SLC24A2: variants seen among roughly 807,000 people sequenced by gnomAD.
The protein encoded by SLC24A2 is solute carrier family 24 member 2.
A neutral mutation model predicts 62.0 loss-of-function variants in SLC24A2; 36 were observed. The observed-to-expected ratio is 0.58, with a 90% confidence interval of 0.44 to 0.77. The LOEUF (loss-of-function observed/expected upper bound fraction) is 0.77, where lower values mean the gene tolerates loss of function less well. Ranked by LOEUF, SLC24A2 falls within the 30% of genes least tolerant of loss-of-function variation. The pLI, the probability that SLC24A2 is intolerant of heterozygous loss-of-function variation, is 0.00. For synonymous variants in SLC24A2, 358 were observed against 294.0 expected (o/e 1.22, Z -2.23); for missense variants, 846 against 817.9 (o/e 1.03, Z -0.42).
the SLC24A2 span, among the ~76,000 whole-genome samples, chr9:20,197,616 G>A: frequency 1.3e-5 from 2 of 151,994 alleles, no homozygotes; most frequent in Admixed American, 1.3e-4. Flanking sequence ...ATTTTTTAGA[G>A]AGACAGGGTT....
the SLC24A2 span, among the ~76,000 whole-genome samples, chr9:20,077,715 T>C: frequency 6.6e-6 from 1 of 152,244 alleles, no homozygotes; most frequent in Non-Finnish European, 1.5e-5. Flanking sequence ...AAGAAACCTC[T>C]ATTTACTTGA....
At chr9:20,258,426 T>G in the SLC24A2 span, among the ~76,000 whole-genome samples, 2 of 152,192 alleles carry the variant, frequency 1.3e-5, 1 homozygote, top group South Asian at 4.2e-4. Flanking sequence ...GTGGACTAAG[T>G]GAGGAAGATC....
the SLC24A2 span, among the ~76,000 whole-genome samples, chr9:20,041,899 C>A: frequency 6.6e-6 from 1 of 152,270 alleles, no homozygotes. Context: ...CCCAGAAGCA[C>A]TTGACAGGTA....
At chr9:20,024,579 T>C in the SLC24A2 span, among the ~76,000 whole-genome samples, 4 of 152,050 alleles carry the variant, frequency 2.6e-5, no homozygotes, top group Non-Finnish European at 5.9e-5. Context: ...GTGATAAGAT[T>C]ATGTGATTAG....
the SLC24A2 span, among the ~76,000 whole-genome samples, chr9:20,197,355 C>G: frequency 6.6e-6 from 1 of 151,708 alleles, no homozygotes; most frequent in African/African-American, 2.4e-5. Flanking sequence ...TAGTTTAGGG[C>G]CATTTTCACC....
the SLC24A2 span, among the ~76,000 whole-genome samples, chr9:19,821,844 C>A: frequency 6.6e-6 from 1 of 152,100 alleles, no homozygotes; most frequent in Admixed American, 6.6e-5. Flanking sequence ...AACTTACATA[C>A]TAGTGTTGAC....
chr9:20,229,919 T>A, the SLC24A2 span, among the ~76,000 whole-genome samples: 1 of 138,284 alleles, frequency 7.2e-6, no homozygotes, highest in Non-Finnish European at 1.6e-5. Flanking sequence ...GTGTGTGATG[T>A]TCCCCTTCCT....
the SLC24A2 span, among the ~76,000 whole-genome samples, chr9:20,188,500 T>C: frequency 3.9e-5 from 6 of 152,332 alleles, no homozygotes; most frequent in African/African-American, 1.4e-4. Flanking sequence ...CACATTCTAA[T>C]TCTCAAAATC....
the SLC24A2 span, among the ~76,000 whole-genome samples, chr9:19,841,970 A>G: frequency 1.3e-5 from 2 of 152,168 alleles, no homozygotes; most frequent in Admixed American, 1.3e-4. Flanking sequence ...TTATCTGTCT[A>G]ATATTACTGT....
chr9:19,756,667 C>T (rs1822148237), intron 2 of SLC24A2, among the ~76,000 whole-genome samples: 1 of 152,114 alleles, frequency 6.6e-6, no homozygotes, highest in African/African-American at 2.4e-5. Context: ...ACTGATTATC[C>T]TAAAGTTCCA....
chr9:19,976,903 C>T, the SLC24A2 span, among the ~76,000 whole-genome samples: 116,828 of 152,008 alleles, frequency 0.77, 45,278 homozygotes, highest in Non-Finnish European at 0.82. Context: ...CTGGAAGATA[C>T]AGCAACAATA....
At chr9:19,738,836 T>C (rs568678615) in intron 2 of SLC24A2, among the ~76,000 whole-genome samples, 32 of 152,204 alleles carry the variant, frequency 2.1e-4, no homozygotes, top group African/African-American at 7.5e-4. Context: ...ATCATATATC[T>C]AGCCAGGCGT....
chr9:20,249,726 A>AT, the SLC24A2 span, among the ~76,000 whole-genome samples: 1 of 150,876 alleles, frequency 6.6e-6, no homozygotes, highest in African/African-American at 2.4e-5. Context: ...AAAAAAAAAA[A>AT]TGAGACAGTC....
At chr9:19,921,351 G>A in the SLC24A2 span, among the ~76,000 whole-genome samples, 6 of 151,384 alleles carry the variant, frequency 4.0e-5, no homozygotes, top group African/African-American at 7.3e-5. Context: ...GTAAAACCCC[G>A]TCTCTACTAA....
the SLC24A2 span, among the ~76,000 whole-genome samples, chr9:20,272,037 T>C: frequency 6.6e-6 from 1 of 152,150 alleles, no homozygotes; most frequent in Non-Finnish European, 1.5e-5. Flanking sequence ...TTCTCACATT[T>C]TGTGGTTTAG....
the SLC24A2 span, among the ~76,000 whole-genome samples, chr9:20,293,817 T>G: frequency 4.6e-5 from 7 of 152,274 alleles, no homozygotes; most frequent in South Asian, 1.5e-3. Flanking sequence ...TGAAGACATT[T>G]ATTTAGTACA....
At chr9:19,939,616 T>A in the SLC24A2 span, among the ~76,000 whole-genome samples, 1 of 152,174 alleles carries the variant, frequency 6.6e-6, no homozygotes, top group Non-Finnish European at 1.5e-5. Context: ...AACGGTAGAC[T>A]TTATAAATAC....
intron 2 of SLC24A2, among the ~76,000 whole-genome samples, chr9:19,664,672 A>C (rs1243734942): frequency 1.3e-5 from 2 of 152,198 alleles, no homozygotes; most frequent in Non-Finnish European, 2.9e-5. Context: ...GGGTGGGCCT[A>C]AATCCAATGA....
the SLC24A2 span, among the ~76,000 whole-genome samples, chr9:20,068,903 GTTCT>G: frequency 6.6e-6 from 1 of 152,034 alleles, no homozygotes; most frequent in Non-Finnish European, 1.5e-5. Flanking sequence ...ATGACTCCTA[GTTCT>G]TTATTTCCAG....
Sources: gnomAD v4.1 joint callset for allele counts (sites outside exome capture counted in the v4.1 genomes callset) on GRCh38, gnomAD v4.1.1 for gene constraint, MANE v1.5 for transcripts, NCBI Gene and HGNC (gene_info 2026-07-23, HGNC 2026-07-21) for gene names.